Variants in BACH2 observed in about 807,000 individuals in gnomAD.
BACH2 encodes the protein transcription regulator protein BACH2.
BACH2 carries 5 observed loss-of-function variants against 61.8 expected under a neutral mutation model. The ratio of observed to expected loss-of-function variants is 0.08; its 90% CI spans 0.04 to 0.17. The LOEUF is 0.17. Among genes scored for constraint, BACH2 ranks in the 10% least tolerant of loss-of-function variants. The pLI is 1.00. For missense variants in BACH2, 824 were observed against 1,091.1 expected (o/e 0.76, Z 3.45); for synonymous variants, 446 against 440.1 (o/e 1.01, Z -0.17).
intron 6 of BACH2, chr6:90,001,074 C>T (rs966314084): frequency 3.3e-5 from 5 of 152,204 alleles, no homozygotes; most frequent in African/African-American, 9.6e-5. Flanking sequence ...AGCCCCAATC[C>T]ATCATTTTCA....
chr6:89,949,863 A>G (rs1053949353), intron 7 of BACH2, among the ~76,000 whole-genome samples: 1 of 152,026 alleles, frequency 6.6e-6, no homozygotes. Flanking sequence ...AAGAGATTCT[A>G]TATCTTCCTT....
chr6:90,189,842 G>A (rs2501720), intron 4 of BACH2, among the ~76,000 whole-genome samples: 69,245 of 152,046 alleles, frequency 0.46, 19,738 homozygotes, highest in African/African-American at 0.8. Flanking sequence ...TGGCAGGACA[G>A]TATGCTCTCC....
intron 5 of BACH2, among the ~76,000 whole-genome samples, chr6:90,011,853 G>A (rs140832310): frequency 0.21 from 1,602 of 7,470 alleles, 39 homozygotes; most frequent in African/African-American, 0.36. Flanking sequence ...CCCAGAAGGC[G>A]GAGGTTGCAG....
chr6:90,013,078 A>C (rs1158596669), intron 5 of BACH2, among the ~76,000 whole-genome samples: 2 of 152,012 alleles, frequency 1.3e-5, no homozygotes, highest in East Asian at 1.9e-4. Context: ...CTAATTTTTC[A>C]CTGCTAGTAT....
intron 4 of BACH2, among the ~76,000 whole-genome samples, chr6:90,144,148 G>A (rs1451789600): frequency 6.6e-6 from 1 of 152,160 alleles, no homozygotes; most frequent in Non-Finnish European, 1.5e-5. Context: ...ATATAGAGAT[G>A]ATTCATCTAG....
chr6:90,153,898 A>G (rs1037951104), intron 4 of BACH2, among the ~76,000 whole-genome samples: 1 of 152,356 alleles, frequency 6.6e-6, no homozygotes, highest in East Asian at 1.9e-4. Context: ...TTACGCTTAA[A>G]GTATTGTAAC....
chr6:90,050,030 C>G (rs1488879075), intron 5 of BACH2, among the ~76,000 whole-genome samples: 1 of 152,178 alleles, frequency 6.6e-6, no homozygotes, highest in Non-Finnish European at 1.5e-5. Flanking sequence ...TTTGTTGCCA[C>G]TGATAAAATC....
intron 3 of BACH2, among the ~76,000 whole-genome samples, chr6:90,232,216 TG>T (rs1387380986): frequency 6.6e-6 from 1 of 152,216 alleles, no homozygotes; most frequent in Non-Finnish European, 1.5e-5. Context: ...TTAGGTATAA[TG>T]GGGTCAAAAC....
chr6:89,957,669 T>C (rs1363493732), intron 6 of BACH2, among the ~76,000 whole-genome samples: 1 of 152,192 alleles, frequency 6.6e-6, no homozygotes, highest in Admixed American at 6.5e-5. Context: ...GCCTCTTGAA[T>C]AGCTGGGACT....
At chr6:90,227,524 C>T (rs1204082032) in intron 3 of BACH2, among the ~76,000 whole-genome samples, 2 of 152,194 alleles carry the variant, frequency 1.3e-5, no homozygotes, top group Non-Finnish European at 2.9e-5. Context: ...CAGTGACAGC[C>T]CCCTGCCTGC....
chr6:90,211,570 G>C (rs1410432807), intron 3 of BACH2, among the ~76,000 whole-genome samples: 1 of 148,294 alleles, frequency 6.7e-6, no homozygotes, highest in Non-Finnish European at 1.5e-5. Context: ...TTAAAGAGAA[G>C]CTTAAAAGTG....
intron 3 of BACH2, among the ~76,000 whole-genome samples, chr6:90,234,935 T>G (rs1770210666): frequency 6.6e-6 from 1 of 152,184 alleles, no homozygotes; most frequent in South Asian, 2.1e-4. Flanking sequence ...TTCATGTGAT[T>G]TTGTTTCTCC....
intron 4 of BACH2, among the ~76,000 whole-genome samples, chr6:90,202,118 T>A (rs1768975832): frequency 6.6e-6 from 1 of 152,200 alleles, no homozygotes; most frequent in Non-Finnish European, 1.5e-5. Context: ...GCTACGTTCA[T>A]AATGTATTTC....
chr6:89,933,590 G>A (rs1204416813), intron 8 of BACH2, among the ~76,000 whole-genome samples: 1 of 152,104 alleles, frequency 6.6e-6, no homozygotes, highest in Non-Finnish European at 1.5e-5. Context: ...ACTTTGTGGG[G>A]GATGCTGACA....
At chr6:90,134,972 G>C (rs1387227955) in intron 4 of BACH2, among the ~76,000 whole-genome samples, 2 of 152,200 alleles carry the variant, frequency 1.3e-5, no homozygotes, top group Non-Finnish European at 2.9e-5. Context: ...GGGATGAACA[G>C]ATCCAGCCTT....
intron 1 of BACH2, among the ~76,000 whole-genome samples, chr6:90,294,083 A>C (rs897655760): frequency 2.0e-5 from 3 of 152,200 alleles, no homozygotes; most frequent in Non-Finnish European, 4.4e-5. Context: ...ACAAAGAACC[A>C]AAAAAGTAAC....
intron 5 of BACH2, among the ~76,000 whole-genome samples, chr6:90,018,152 C>A (rs1375262855): frequency 6.6e-6 from 1 of 152,106 alleles, no homozygotes; most frequent in Non-Finnish European, 1.5e-5. Context: ...TCTCTGAGTT[C>A]CCTTTGTTTT....
At chr6:89,979,336 T>C (rs1775829134) in intron 6 of BACH2, among the ~76,000 whole-genome samples, 2 of 152,214 alleles carry the variant, frequency 1.3e-5, no homozygotes, top group Admixed American at 6.5e-5. Context: ...GGCTATTGTG[T>C]TGGCCTGGAT....
chr6:90,201,812 C>T (rs1768965494), intron 4 of BACH2, among the ~76,000 whole-genome samples: 2 of 152,180 alleles, frequency 1.3e-5, no homozygotes, highest in Non-Finnish European at 2.9e-5. Flanking sequence ...AAGTCTGCCA[C>T]AAGGAGGACC....
Sources: gnomAD v4.1 joint callset for allele counts (sites outside exome capture counted in the v4.1 genomes callset) on GRCh38, gnomAD v4.1.1 for gene constraint, MANE v1.5 for transcripts, NCBI Gene and HGNC (gene_info 2026-07-23, HGNC 2026-07-21) for gene names.